The following GPR137C variants were observed in gnomAD, a reference collection of about 807,000 sequenced individuals.
The protein encoded by GPR137C is G protein-coupled receptor 137C, also known as integral membrane protein GPR137C.
A neutral mutation model predicts 43.4 loss-of-function variants in GPR137C; 27 were observed. The ratio of observed to expected loss-of-function variants is 0.62; its 90% CI spans 0.46 to 0.86. The LOEUF is 0.86. Ranked by LOEUF, GPR137C falls within the 40% of genes least tolerant of loss-of-function variation. GPR137C has a pLI of 0.00. For missense variants in GPR137C, 522 were observed against 534.6 expected (o/e 0.98, Z 0.23); for synonymous variants, 285 against 226.9 (o/e 1.26, Z -2.30).
At chr14:52,567,213 G>A (rs936113894) in intron 1 of GPR137C, among the ~76,000 whole-genome samples, 4 of 152,152 alleles carry the variant, frequency 2.6e-5, no homozygotes, top group African/African-American at 4.8e-5. Context: ...CCTTAAGTGC[G>A]TAACTTCTCT....
intron 1 of GPR137C, among the ~76,000 whole-genome samples, chr14:52,594,579 C>T (rs1189583916): frequency 1.3e-5 from 2 of 152,228 alleles, no homozygotes; most frequent in Admixed American, 6.5e-5. Flanking sequence ...TAATGGCCTT[C>T]TTTGTCTCTT....
rs2038099074 is a variant in GPR137C, at chr14:52,552,913, G to A, written c.-235G>A. Among the ~76,000 whole-genome samples the A allele has an allele frequency of 6.6e-6, 1 of 151,900 alleles. No homozygotes were observed. The highest frequency in any genetic ancestry group is 1.5e-5 in the Non-Finnish European group (1 of 67,912). On this transcript the variant is annotated 5_prime_UTR_variant, in exon 1 of 7. Transcript: ENST00000321662. ...CCGAGAGTTGTTTTTTGCAGCTACGGAGCCGAGCCGCAGCAGGAGGAGCCG... is the reference window on the plus strand; with the variant it reads ...CCGAGAGTTGTTTTTTGCAGCTACGAAGCCGAGCCGCAGCAGGAGGAGCCG...
chr14:52,613,677 G>A (rs2039064473), intron 3 of GPR137C: 2 of 287,094 alleles, frequency 7.0e-6, no homozygotes, highest in South Asian at 3.5e-5. Flanking sequence ...GCAGATTACA[G>A]GATCTCATTC....
chr14:52,594,439 T>G (rs140943454), intron 1 of GPR137C, among the ~76,000 whole-genome samples: 8 of 151,950 alleles, frequency 5.3e-5, no homozygotes, highest in African/African-American at 1.9e-4. Context: ...AAGTCTCCGA[T>G]TATTGGGAGT....
intron 1 of GPR137C, among the ~76,000 whole-genome samples, chr14:52,576,307 C>T (rs2038551137): frequency 6.6e-6 from 1 of 152,190 alleles, no homozygotes; most frequent in Non-Finnish European, 1.5e-5. Flanking sequence ...GAATTTCATA[C>T]TCGTTATAGC....
chr14:52,575,034 ACT>A (rs1199116860), intron 1 of GPR137C, among the ~76,000 whole-genome samples: 2 of 152,170 alleles, frequency 1.3e-5, no homozygotes, highest in East Asian at 3.8e-4. Context: ...ATTGTATGAG[ACT>A]CTTGGTTCAG....
At chr14:52,626,105 A>G (rs993673668) in intron 3 of GPR137C, among the ~76,000 whole-genome samples, 8 of 152,214 alleles carry the variant, frequency 5.3e-5, no homozygotes, top group Non-Finnish European at 1.2e-4. Context: ...AATAATCGAG[A>G]TGATTTAATG....
intron 3 of GPR137C, among the ~76,000 whole-genome samples, chr14:52,630,243 A>G (rs1000436407): frequency 1.3e-5 from 2 of 151,984 alleles, no homozygotes; most frequent in African/African-American, 2.4e-5. Context: ...AAGCTTCTAT[A>G]GTATTTACAA....
chr14:52,637,539 A>G lies in GPR137C; in HGVS notation c.*2424A>G, dbSNP rs537351409. On this transcript the variant is annotated 3_prime_UTR_variant, in exon 7 of 7. Transcript: ENST00000321662. Reference sequence around the variant, plus strand: ...TATGGAAAATGTAATTTATAGCTAAAGTGGCTTTTTTATGCATAGCTGCCT... The same window carrying G: ...TATGGAAAATGTAATTTATAGCTAAGGTGGCTTTTTTATGCATAGCTGCCT... The G allele has an allele frequency of 6.6e-6, 1 of 152,166 alleles. No homozygotes were observed. Among genetic ancestry groups the G allele is most frequent in the Non-Finnish European group, 1.5e-5 (1 of 68,016 alleles). The allele number at this position is 152,166 out of a possible 1,614,324, so 9.4% of individuals were successfully genotyped here.
At chr14:52,599,880 G>A (rs549668776) in intron 2 of GPR137C, among the ~76,000 whole-genome samples, 29 of 152,280 alleles carry the variant, frequency 1.9e-4, no homozygotes, top group African/African-American at 6.5e-4. Context: ...TTATAAAAAT[G>A]AAAAATTTGG....
chr14:52,578,046 A>G (rs1413955519), intron 1 of GPR137C, among the ~76,000 whole-genome samples: 1 of 152,190 alleles, frequency 6.6e-6, no homozygotes, highest in Admixed American at 6.5e-5. Flanking sequence ...ACATCTCTAT[A>G]CAATTCTGAT....
intron 1 of GPR137C, among the ~76,000 whole-genome samples, chr14:52,582,957 C>T (rs1410308294): frequency 1.3e-5 from 2 of 152,004 alleles, no homozygotes; most frequent in African/African-American, 2.4e-5. Context: ...AAATAAGGAT[C>T]TGCTAGTCTG....
intron 3 of GPR137C, among the ~76,000 whole-genome samples, chr14:52,623,397 C>T (rs1021396814): frequency 1.3e-5 from 2 of 152,078 alleles, no homozygotes; most frequent in Non-Finnish European, 2.9e-5. Context: ...ACTTTATTGG[C>T]CAATGCGATA....
chr14:52,556,157 C>G (rs2038189251), intron 1 of GPR137C, among the ~76,000 whole-genome samples: 2 of 152,124 alleles, frequency 1.3e-5, no homozygotes, highest in Non-Finnish European at 2.9e-5. Flanking sequence ...TGATTACCAA[C>G]TCACTCTGTC....
chr14:52,620,040 G>T (rs901220233), intron 3 of GPR137C, among the ~76,000 whole-genome samples: 1 of 152,028 alleles, frequency 6.6e-6, no homozygotes, highest in African/African-American at 2.4e-5. Flanking sequence ...GTGTAAAAAA[G>T]CACTGAAGGC....
At chr14:52,558,856 T>A (rs2038235427) in intron 1 of GPR137C, among the ~76,000 whole-genome samples, 2 of 151,738 alleles carry the variant, frequency 1.3e-5, no homozygotes, top group African/African-American at 4.8e-5. Context: ...GGAAAAAAAA[T>A]CACTCGGGAT....
intron 1 of GPR137C, among the ~76,000 whole-genome samples, chr14:52,573,518 A>G (rs550410028): frequency 2.9e-4 from 44 of 152,340 alleles, no homozygotes; most frequent in African/African-American, 1.0e-3. Flanking sequence ...CTGGCTAGCC[A>G]TATGCAGAAC....
chr14:52,566,965 T>C (rs1000132589), intron 1 of GPR137C, among the ~76,000 whole-genome samples: 3 of 152,118 alleles, frequency 2.0e-5, no homozygotes, highest in Non-Finnish European at 2.9e-5. Context: ...TACAAAAAAT[T>C]AGCTGAGCAT....
chr14:52,577,496 A>C, intron 1 of GPR137C, among the ~76,000 whole-genome samples: 1 of 132,558 alleles, frequency 7.5e-6, no homozygotes, highest in East Asian at 2.3e-4. Context: ...GAGACCAAAC[A>C]TGCACGCGTG....
Sources: gnomAD v4.1 joint callset for allele counts (sites outside exome capture counted in the v4.1 genomes callset) on GRCh38, gnomAD v4.1.1 for gene constraint, MANE v1.5 for transcripts, NCBI Gene and HGNC (gene_info 2026-07-23, HGNC 2026-07-21) for gene names.